Variants in SBSPON observed in about 807,000 individuals in gnomAD.
SBSPON encodes somatomedin B and thrombospondin type 1 domain containing, also known as somatomedin-B and thrombospondin type-1 domain-containing protein.
Under a neutral mutation model 35.8 loss-of-function variants are expected in SBSPON, and 30 were observed. That is an observed-to-expected ratio of 0.84 (90% CI 0.63 to 1.14). The LOEUF is 1.14. Ranked by LOEUF, SBSPON falls within the 50% of genes most tolerant of loss-of-function variation. The probability of loss-of-function intolerance (pLI) is 0.00; values close to 1 mark genes in which losing one functional copy is unlikely to be tolerated. For synonymous variants in SBSPON, 136 were observed against 135.9 expected (o/e 1.00, Z 0.00); for missense variants, 364 against 357.7 (o/e 1.02, Z -0.14).
chr8:73,082,178 T>G (rs1810719883), intron 1 of SBSPON, among the ~76,000 whole-genome samples: 1 of 152,250 alleles, frequency 6.6e-6, no homozygotes, highest in Non-Finnish European at 1.5e-5. Context: ...CAATATGGCG[T>G]CACGTTTAAC....
In SBSPON at chr8:73,081,641, C is replaced by A. The variant is rs76212015; in HGVS notation, c.215-428G>T. Among the ~76,000 whole-genome samples the A allele has an allele frequency of 4.6e-3, 667 of 144,712 alleles. 6 individuals are homozygous for A. Among genetic ancestry groups the A allele is most frequent in the African/African-American group, 0.016 (628 of 39,700 alleles). The allele number at this position is 144,712 out of a possible 152,430, so 94.9% of individuals were successfully genotyped here. A position where few individuals can be genotyped will look rare whatever the true frequency, so the allele number is the denominator to read the frequency against. ...TTCTCATCATAGACAACATAAACAACAAAAAAAAAAGTATAAAAAAGAAAA... is the reference window on the plus strand; with the variant it reads ...TTCTCATCATAGACAACATAAACAAAAAAAAAAAAAGTATAAAAAAGAAAA... On this transcript the variant is annotated intron_variant, in intron 1 of 4. Coordinates refer to ENST00000297354, the MANE Select transcript of SBSPON (RefSeq NM_153225.4).
At chr8:73,073,060 ACT>A (rs1356626630) in intron 2 of SBSPON, among the ~76,000 whole-genome samples, 1 of 152,098 alleles carries the variant, frequency 6.6e-6, no homozygotes, top group East Asian at 1.9e-4. Context: ...TCCTGGACTG[ACT>A]CTGTTGTCAT....
chr8:73,070,123 A>G (rs1209311496), intron 3 of SBSPON, 142 bp from the exon 4 acceptor site: 1 of 544,622 alleles, frequency 1.8e-6, no homozygotes, highest in Non-Finnish European at 3.2e-6. Flanking sequence ...GTTACGTGTC[A>G]ATCACCTTTA....
At chr8:73,077,819 G>A (rs1810620333) in intron 2 of SBSPON, among the ~76,000 whole-genome samples, 1 of 152,050 alleles carries the variant, frequency 6.6e-6, no homozygotes, top group South Asian at 2.1e-4. Context: ...ATAGAAAAGG[G>A]GATCATATGA....
intron 1 of SBSPON, among the ~76,000 whole-genome samples, chr8:73,081,638 C>CA (rs1554563002): frequency 2.3e-5 from 3 of 130,588 alleles, no homozygotes; most frequent in East Asian, 2.1e-4. Flanking sequence ...ACAACATAAA[C>CA]AACAAAAAAA....
At chr8:73,087,519 G>A (rs1398774843) in intron 1 of SBSPON, among the ~76,000 whole-genome samples, 2 of 152,208 alleles carry the variant, frequency 1.3e-5, no homozygotes, top group African/African-American at 4.8e-5. Context: ...GTCAGGCCCC[G>A]CTCGTTTTTT....
chr8:73,089,559 CAA>C (rs57649090), intron 1 of SBSPON, among the ~76,000 whole-genome samples: 4 of 112,298 alleles, frequency 3.6e-5, no homozygotes, highest in Non-Finnish European at 6.0e-5. Context: ...GACTCCGTCT[CAA>C]AAAAAAAAAA....
intron 3 of SBSPON, among the ~76,000 whole-genome samples, chr8:73,070,417 C>T (rs989619553): frequency 2.0e-5 from 3 of 152,316 alleles, no homozygotes; most frequent in African/African-American, 7.2e-5. Flanking sequence ...AGGGCTAGCC[C>T]TTAACACCTA....
Position 73,065,296 on chromosome 8 carries a change from C to T in SBSPON, c.*2045G>A, listed in dbSNP as rs1810365742. 1 of 152,086 alleles carries T rather than the reference C, an allele frequency of 6.6e-6. No homozygotes were observed. Among genetic ancestry groups the T allele is most frequent in the South Asian group, 2.1e-4 (1 of 4,824 alleles). The allele number at this position is 152,086 out of a possible 1,614,324, so 9.4% of individuals were successfully genotyped here. On this transcript the variant is annotated 3_prime_UTR_variant, in exon 5 of 5. Transcript: ENST00000297354. ...AACACATATCGGAACTATAAAAGCA[C>T]CATTGCTTTATTGCTATTAGTAGTT...
chr8:73,076,246 T>C (rs1810592922), intron 2 of SBSPON, among the ~76,000 whole-genome samples: 1 of 152,200 alleles, frequency 6.6e-6, no homozygotes, highest in South Asian at 2.1e-4. Flanking sequence ...CCTACCTCTC[T>C]GTGGAGGCAG....
chr8:73,068,066 T>C (rs1810427326), intron 4 of SBSPON, among the ~76,000 whole-genome samples: 1 of 152,142 alleles, frequency 6.6e-6, no homozygotes, highest in African/African-American at 2.4e-5. Flanking sequence ...CTAAATGATC[T>C]CTTTTACTGC....
At chr8:73,069,764 T>C in intron 4 of SBSPON, 41 bp downstream of exon 4, 1 of 1,534,120 alleles carries the variant, frequency 6.5e-7, no homozygotes, top group South Asian at 1.1e-5. Flanking sequence ...TTTCTCAGAA[T>C]GAGTGACAAG....
rs1233223282 is a variant in SBSPON at position 73,067,589 on chromosome 8, C to CTATA, written c.678-135_678-132dup. On this transcript the variant is annotated intron_variant, in intron 4 of 4. Transcript: ENST00000297354. ...GCAATATAGTGAAACCCCGTCTCTA[C>CTATA]TATATATATATATATATAGTTTTTT... 18 of 104,254 alleles carry CTATA rather than the reference C, an allele frequency of 1.7e-4. 1 individual carries two copies. The highest frequency in any genetic ancestry group is 4.5e-4 in the Admixed American group (5 of 11,014). 6.5% of individuals were successfully genotyped at this position (104,254 alleles called of 1,614,324 possible).
At chr8:73,084,749 GACACACAC>G (rs57178636) in intron 1 of SBSPON, among the ~76,000 whole-genome samples, 2,582 of 134,416 alleles carry the variant, frequency 0.019, 28 homozygotes, top group Middle Eastern at 0.031. Flanking sequence ...CCACTACACA[GACACACAC>G]ACACACACAC....
chr8:73,067,327 A>G lies in SBSPON; in HGVS notation c.*14T>C. 7.7e-7 allele frequency: 1 copy of G among 1,291,294 alleles called. No homozygotes were observed. 80.0% of individuals were successfully genotyped at this position (1,291,294 alleles called of 1,614,324 possible). A position where few individuals can be genotyped will look rare whatever the true frequency, so the allele number is the denominator to read the frequency against. On this transcript the variant is annotated 3_prime_UTR_variant, in exon 5 of 5. Coordinates refer to ENST00000297354, the MANE Select transcript of SBSPON (RefSeq NM_153225.4). ...AATGTTTACAAATGCATTTGGAAAT[A>G]TTTATATCACCATCTATATAAAAAT...
intron 1 of SBSPON, among the ~76,000 whole-genome samples, chr8:73,081,503 C>T (rs946077569): frequency 1.3e-5 from 2 of 152,146 alleles, no homozygotes; most frequent in Non-Finnish European, 2.9e-5. Flanking sequence ...GAGACGGATG[C>T]TTTCAGGGGA....
At chr8:73,091,113 T>C (rs1398746378) in intron 1 of SBSPON, among the ~76,000 whole-genome samples, 1 of 152,218 alleles carries the variant, frequency 6.6e-6, no homozygotes, top group East Asian at 1.9e-4. Context: ...TTCACCATTT[T>C]GGCCTCAGGG....
intron 1 of SBSPON, among the ~76,000 whole-genome samples, chr8:73,084,923 C>T (rs1810795536): frequency 6.6e-6 from 1 of 152,026 alleles, no homozygotes; most frequent in Non-Finnish European, 1.5e-5. Context: ...TATTTCATTC[C>T]TGGTGCTTGG....
chr8:73,074,734 C>G (rs1810559150), intron 2 of SBSPON: 1 of 249,330 alleles, frequency 4.0e-6, no homozygotes, highest in Admixed American at 6.5e-5. Context: ...AAACTTTTAG[C>G]CCCTTGTATC....
Sources: allele counts gnomAD v4.1 joint callset (sites outside exome capture counted in the v4.1 genomes callset), GRCh38; gene constraint gnomAD v4.1.1; transcripts MANE v1.5; gene names NCBI Gene and HGNC (gene_info 2026-07-23, HGNC 2026-07-21).